Variants in CRYBG2 observed in about 807,000 individuals in gnomAD.
The protein encoded by CRYBG2 is beta/gamma crystallin domain-containing protein 2.
Under a neutral mutation model 153.4 loss-of-function variants are expected in CRYBG2, and 106 were observed. The ratio of observed to expected loss-of-function variants is 0.69; its 90% CI spans 0.59 to 0.81. The LOEUF (loss-of-function observed/expected upper bound fraction) is 0.81. Ranked by LOEUF, CRYBG2 falls within the 30% of genes least tolerant of loss-of-function variation. CRYBG2 has a pLI of 0.00. For synonymous variants in CRYBG2, 851 were observed against 877.8 expected (o/e 0.97, Z 0.54); for missense variants, 1,996 against 2,112.0 (o/e 0.95, Z 1.08).
intron 15 of CRYBG2, 128 bp from the exon 16 acceptor site, chr1:26,329,001 G>T (rs540501900): frequency 2.6e-6 from 3 of 1,163,356 alleles, no homozygotes; most frequent in East Asian, 2.6e-5. Flanking sequence ...GCTCAGTTCT[G>T]CAGGGCCACT....
chr1:26,334,890 C>A (rs936929612), intron 14 of CRYBG2, among the ~76,000 whole-genome samples: 2 of 152,082 alleles, frequency 1.3e-5, no homozygotes, highest in African/African-American at 2.4e-5. Flanking sequence ...CCACTGCACT[C>A]CAGTCTGGGC....
Position 26,342,683 on chromosome 1 carries a change from G to A in CRYBG2, c.3204+71C>T. 5.7e-6 allele frequency: 9 copies of A among 1,573,868 alleles called. No homozygotes were observed. The South Asian group carries it at 9.1e-5, about 16-fold the overall frequency. On this transcript the variant is annotated intron_variant, in intron 5 of 19. Transcript: ENST00000308182. ...CAAAGTGCTGGCATTACAGGCGTGA[G>A]TCACTGCTCCTGGCCTCGGGGATTT...
intron 14 of CRYBG2, 55 bp from the exon 15 acceptor site, chr1:26,331,673 C>A: frequency 6.3e-7 from 1 of 1,596,974 alleles, no homozygotes; most frequent in Non-Finnish European, 8.5e-7. Context: ...TTGGCCTGCC[C>A]AGGTTCCCCT....
chr1:26,338,255 C>T, intron 7 of CRYBG2, 96 bp downstream of exon 7: 4 of 1,514,916 alleles, frequency 2.6e-6, no homozygotes, highest in East Asian at 2.3e-5. Context: ...TTTTACACTT[C>T]ATCCCCCATC....
In CRYBG2 at chr1:26,336,476, C is replaced by T. The variant is rs562450330; in HGVS notation, c.4039-106G>A. 161 of 1,550,618 alleles carry T rather than the reference C, an allele frequency of 1.0e-4. No homozygotes were observed. The African/African-American group carries it at 2.0e-3, about 19-fold the overall frequency. On this transcript the variant is annotated intron_variant, in intron 12 of 19. Coordinates refer to ENST00000308182, the MANE Select transcript of CRYBG2 (RefSeq NM_001039775.4). The surrounding 1 kb of genome is among the most constrained non-coding windows in gnomAD (Gnocchi z 4.9). Reference sequence around the variant, plus strand: ...CCCGCGGCCGCGCCCTCGGCCCCGCCCCCTTCTAAGGCCCCGCCCCAAGCG... The same window carrying T: ...CCCGCGGCCGCGCCCTCGGCCCCGCTCCCTTCTAAGGCCCCGCCCCAAGCG...
At chr1:26,342,719 C>T (rs1204317356) in intron 5 of CRYBG2, 35 bp downstream of exon 5, 9 of 1,603,804 alleles carry the variant, frequency 5.6e-6, no homozygotes, top group Non-Finnish European at 7.6e-6. Flanking sequence ...CAACTCTAGG[C>T]ACTCGAGGCC....
intron 15 of CRYBG2, among the ~76,000 whole-genome samples, chr1:26,329,693 A>G (rs577115829): frequency 2.5e-4 from 38 of 152,032 alleles, no homozygotes; most frequent in Non-Finnish European, 5.0e-4. Context: ...GCAGGTCTCA[A>G]ACTCCTAGGC....
chr1:26,328,723 T>G lies in CRYBG2; in HGVS notation c.4454+11A>C. ...GCAGCCACCGCACCCATGCCTCCCC[T>G]CAGCACTCACATGCCCCCCTTGATC... On this transcript the variant is annotated intron_variant, in intron 16 of 19. Coordinates refer to ENST00000308182, the MANE Select transcript of CRYBG2 (RefSeq NM_001039775.4). The G allele has an allele frequency of 6.2e-7, 1 of 1,610,234 alleles. No individual in the cohort carries two copies. Among genetic ancestry groups the G allele is most frequent in the Non-Finnish European group, 8.5e-7 (1 of 1,177,806 alleles).
chr1:26,337,557 G>A lies in CRYBG2; in HGVS notation c.3625C>T (p.Leu1209=). Residue 1209 remains leucine (L), a synonymous_variant, in exon 9 of 20, where the codon CTG becomes TTG. Transcript: ENST00000308182. ...TCTCACCAGCCTCCGAGAACTCTCA[G>A]GGACCCCACAGAGGCCAGGTGGGGG... The part of the protein sequence containing the change: ...QSPHLASVGS[L]RVLGGCWVGY... The A allele has an allele frequency of 6.2e-7, 1 of 1,612,662 alleles. No individual in the cohort carries two copies. Among genetic ancestry groups the A allele is most frequent in the Non-Finnish European group, 8.5e-7 (1 of 1,179,944 alleles).
rs775404467 is a variant in CRYBG2 at position 26,322,163 on chromosome 1, C to T, written c.4897+1G>A. Reference sequence around the variant, plus strand: ...CCTCTTCCCCATACATCCCACCTTACCCTTCACGTCCAGGATCTGGCCTTC... The same window carrying T: ...CCTCTTCCCCATACATCCCACCTTATCCTTCACGTCCAGGATCTGGCCTTC... On this transcript the variant is annotated splice_donor_variant, in intron 19 of 19. Transcript: ENST00000308182. LOFTEE classifies it high-confidence loss of function. 3.7e-6 allele frequency: 6 copies of T among 1,613,118 alleles called. No individual in the cohort carries two copies. Among genetic ancestry groups the T allele is most frequent in the Non-Finnish European group, 3.4e-6 (4 of 1,179,168 alleles).
At chr1:26,332,305 T>TC (rs1341224240) in intron 14 of CRYBG2, among the ~76,000 whole-genome samples, 2 of 73,624 alleles carry the variant, frequency 2.7e-5, no homozygotes, top group African/African-American at 9.6e-5. Context: ...AGACTCCGTG[T>TC]CAAAAAAAAA....
In CRYBG2 at chr1:26,322,067, G is replaced by C; in HGVS notation, c.4898-11C>G. ...CGTAGCCCCGGCCTCCTGGGGGTGG[G>C]ATGGGGATTAAAAGATAGGGAGATA... On this transcript the variant is annotated splice_polypyrimidine_tract_variant and intron_variant, in intron 19 of 19. Transcript: ENST00000308182. 6.2e-7 allele frequency: 1 copy of C among 1,605,192 alleles called. No individual in the cohort carries two copies. The highest frequency in any genetic ancestry group is 8.5e-7 in the Non-Finnish European group (1 of 1,173,120).
intron 5 of CRYBG2, among the ~76,000 whole-genome samples, chr1:26,341,165 C>T (rs1200838660): frequency 6.6e-6 from 1 of 151,490 alleles, no homozygotes; most frequent in African/African-American, 2.4e-5. Context: ...GGTGAAACCC[C>T]GTCTCTGCTA....
In CRYBG2 at chr1:26,344,208, G is replaced by T. The variant is rs1460088426; in HGVS notation, c.2450C>A (p.Pro817His). 6.5e-7 allele frequency: 1 copy of T among 1,535,694 alleles called. No homozygotes were observed. The highest frequency in any genetic ancestry group is 2.4e-5 in the East Asian group (1 of 40,886). Reference protein sequence around the residue: ...QLGPWVLGPGPQEVPSLEEKE... With the variant: ...QLGPWVLGPGHQEVPSLEEKE... ...CTCTTCCAGTGAAGGCACCTCCTGG[G>T]GTCCGGGGCCCAGCACCCATGGCCC... The change falls in exon 2 of 20, where the codon CCC becomes CAC. Residue 817 changes from proline (P) to histidine (H), a missense_variant. Physicochemically the swap from Pro to His is moderately conservative, Grantham distance 77. Transcript: ENST00000308182.
chr1:26,348,179 G>A (rs191091271), intron 1 of CRYBG2, among the ~76,000 whole-genome samples: 173 of 152,330 alleles, frequency 1.1e-3, no homozygotes, highest in Non-Finnish European at 3.4e-4. Context: ...GTTAGCTGGT[G>A]TGCACACGTG....
intron 15 of CRYBG2, 151 bp downstream of exon 15, chr1:26,331,338 T>C (rs1420982589): frequency 2.6e-6 from 3 of 1,149,736 alleles, no homozygotes; most frequent in Non-Finnish European, 3.6e-6. Flanking sequence ...CAAACTAAAC[T>C]GGCTTTACAG....
intron 4 of CRYBG2, 74 bp from the exon 5 acceptor site, chr1:26,342,957 T>A: frequency 6.3e-7 from 1 of 1,579,028 alleles, no homozygotes; most frequent in Non-Finnish European, 8.6e-7. Context: ...GCTGATGGGG[T>A]TTCTCCCAGG....
chr1:26,324,504 TCACACACACACA>T (rs10611174), intron 17 of CRYBG2, among the ~76,000 whole-genome samples, 194 bp from the exon 18 acceptor site: 4 of 126,484 alleles, frequency 3.2e-5, no homozygotes, highest in African/African-American at 8.7e-5. Context: ...TCTCTCTCTC[TCACACACACACA>T]CACACACACA....
intron 6 of CRYBG2, 134 bp from the exon 7 acceptor site, chr1:26,338,611 T>G: frequency 1.0e-6 from 1 of 976,904 alleles, no homozygotes; most frequent in South Asian, 2.3e-5. Context: ...TATAATCTCT[T>G]GCAGTAGCCA....
Sources: allele counts gnomAD v4.1 joint callset (sites outside exome capture counted in the v4.1 genomes callset), GRCh38; gene constraint gnomAD v4.1.1; non-coding constraint Gnocchi (gnomAD v3.1); transcripts MANE v1.5; gene names NCBI Gene and HGNC (gene_info 2026-07-23, HGNC 2026-07-21).